LY75: variants seen among roughly 807,000 people sequenced by gnomAD.
The protein encoded by LY75 is C-type lectin domain family 13 member B.
A neutral mutation model predicts 231.7 loss-of-function variants in LY75; 185 were observed. The ratio of observed to expected loss-of-function variants is 0.80; its 90% CI spans 0.71 to 0.90. LY75 has a LOEUF of 0.90. Ranked by LOEUF, LY75 falls within the 40% of genes least tolerant of loss-of-function variation. The pLI, the probability that LY75 is intolerant of heterozygous loss-of-function variation, is 0.00. For synonymous variants in LY75, 668 were observed against 689.0 expected (o/e 0.97, Z 0.48); for missense variants, 1,947 against 2,050.2 (o/e 0.95, Z 0.97).
In LY75 at chr2:159,807,010, T is replaced by C; in HGVS notation, c.4953A>G (p.Glu1651=). ...SNETWKKVEC[E]HGFGRVVCKV... The stretch of plus-strand genomic sequence containing the variant: ...TGCAGACAACTCTTCCAAAACCATG[T>C]TCACATTCAACTTTTTTCCAAGTTT... Residue 1651 remains glutamate (E), a synonymous_variant, in exon 34 of 35, where the codon GAA becomes GAG. Transcript: ENST00000263636. 1 of 1,613,944 alleles carries C rather than the reference T, an allele frequency of 6.2e-7. No homozygotes were observed. Among genetic ancestry groups the C allele is most frequent in the Middle Eastern group, 1.7e-4 (1 of 6,060 alleles).
In LY75 at chr2:159,850,420, G is replaced by A. The variant is rs149297961; in HGVS notation, c.2931C>T (p.Ser977=). 5.1e-5 allele frequency: 82 copies of A among 1,613,550 alleles called. 1 individual carries two copies. In the Admixed American group the frequency reaches 9.3e-4, roughly 18 times the overall value. Residue 977 remains serine (S), a synonymous_variant, in exon 22 of 35, where the codon AGC becomes AGT. Transcript: ENST00000263636. ...TGCCACCATAGGAGTGACAGGTATC[G>A]CTTGCTTGAGAAAATGTGAGAGACA... ...KPVSLTFSQA[S]DTCHSYGGTL... is the part of the protein sequence containing the mutation.
intron 11 of LY75, among the ~76,000 whole-genome samples, chr2:159,876,276 G>A (rs2125872327): frequency 6.6e-6 from 1 of 152,306 alleles, no homozygotes; most frequent in South Asian, 2.1e-4. Context: ...TTAGTGAATG[G>A]TAGAGTTGGG....
At position 159,821,345 on chromosome 2, in the gene LY75, G is replaced by A. The variant is rs143240559; in HGVS notation, c.3959-1425C>T. Among the ~76,000 whole-genome samples the A allele has an allele frequency of 2.6e-3, 402 of 152,238 alleles. 1 individual carries two copies. The highest frequency in any genetic ancestry group is 9.1e-3 in the African/African-American group (378 of 41,550). On this transcript the variant is annotated intron_variant, in intron 28 of 34. Coordinates refer to ENST00000263636, the MANE Select transcript of LY75 (RefSeq NM_002349.4). The stretch of plus-strand genomic sequence containing the variant: ...AAGAAAACATGGAAGGCCAGGCATG[G>A]TGGCTCACCCCTGTAATCACAGCAC...
intron 17 of LY75, 138 bp downstream of exon 17, chr2:159,854,766 C>A (rs987515523): frequency 1.5e-6 from 2 of 1,308,980 alleles, no homozygotes; most frequent in East Asian, 2.5e-5. Flanking sequence ...CCATACCAGT[C>A]GCTCACCTTC....
At chr2:159,846,743 C>T (rs1029050737) in intron 23 of LY75, among the ~76,000 whole-genome samples, 1 of 151,982 alleles carries the variant, frequency 6.6e-6, no homozygotes, top group African/African-American at 2.4e-5. Context: ...AAAGTATTTG[C>T]AATAAACACA....
At chr2:159,842,966 A>T (rs528793801) in intron 23 of LY75, among the ~76,000 whole-genome samples, 95 of 152,106 alleles carry the variant, frequency 6.2e-4, no homozygotes, top group Non-Finnish European at 1.1e-3. Context: ...ACAAAAAAAA[A>T]TGCTACTCAA....
At chr2:159,851,356 T>A (rs951274500) in intron 21 of LY75, among the ~76,000 whole-genome samples, 10 of 151,852 alleles carry the variant, frequency 6.6e-5, no homozygotes, top group East Asian at 1.9e-4. Flanking sequence ...CAAAAAAAAT[T>A]TTTTTTTCAG....
intron 5 of LY75, among the ~76,000 whole-genome samples, chr2:159,885,960 T>G (rs564081576): frequency 3.2e-4 from 49 of 152,332 alleles, no homozygotes; most frequent in Admixed American, 1.4e-3. Context: ...AGACTTTCTT[T>G]GAGGTATTTA....
chr2:159,852,468 G>T, intron 20 of LY75, 128 bp from the exon 21 acceptor site: 1 of 1,319,556 alleles, frequency 7.6e-7, no homozygotes. Context: ...CCCGGGGCTG[G>T]AGTGCAGTGG....
intron 21 of LY75, 28 bp downstream of exon 21, chr2:159,852,173 T>C: frequency 6.2e-7 from 1 of 1,610,172 alleles, no homozygotes; most frequent in Non-Finnish European, 8.5e-7. Context: ...GCAATCATTG[T>C]TGCATAATGT....
intron 1 of LY75, among the ~76,000 whole-genome samples, chr2:159,900,552 G>A (rs1686043991): frequency 1.3e-5 from 2 of 152,188 alleles, no homozygotes; most frequent in Non-Finnish European, 2.9e-5. Context: ...AACACCAGAT[G>A]CTTTTCCTAG....
At chr2:159,890,490 G>C in intron 3 of LY75, 113 bp from the exon 4 acceptor site, 1 of 1,422,200 alleles carries the variant, frequency 7.0e-7, no homozygotes, top group Non-Finnish European at 9.5e-7. Context: ...TATGCCCAAA[G>C]GGAGACTGCC....
At chr2:159,811,508 C>G (rs553826649) in intron 31 of LY75, among the ~76,000 whole-genome samples, 26 of 152,338 alleles carry the variant, frequency 1.7e-4, no homozygotes, top group Non-Finnish European at 1.5e-5. Context: ...TACAGCTTAT[C>G]TGAATCAAAT....
At chr2:159,879,217 T>G (rs369054959) in intron 9 of LY75, 42 bp downstream of exon 9, 289 of 1,596,526 alleles carry the variant, frequency 1.8e-4, no homozygotes, top group Non-Finnish European at 2.3e-4. Flanking sequence ...ACCAAGAAGT[T>G]GTAATACTGC....
chr2:159,835,013 T>C (rs193023346), intron 26 of LY75, among the ~76,000 whole-genome samples: 2 of 152,324 alleles, frequency 1.3e-5, no homozygotes, highest in African/African-American at 4.8e-5. Context: ...AATTTAGAAA[T>C]TGTCAACTCA....
chr2:159,839,011 G>A (rs1318125553), intron 25 of LY75, among the ~76,000 whole-genome samples: 1 of 152,020 alleles, frequency 6.6e-6, no homozygotes, highest in Non-Finnish European at 1.5e-5. Flanking sequence ...GGCCAGGCTG[G>A]TCCCAAACTC....
chr2:159,840,548 G>T (rs1683991609), intron 25 of LY75, among the ~76,000 whole-genome samples, 181 bp downstream of exon 25: 2 of 152,118 alleles, frequency 1.3e-5, no homozygotes, highest in Admixed American at 1.3e-4. Context: ...CTCCAGCCTG[G>T]GTGACAGTGT....
chr2:159,878,643 T>C lies in LY75; in HGVS notation c.1594A>G (p.Ile532Val). 1.9e-6 allele frequency: 3 copies of C among 1,614,054 alleles called. No homozygotes were observed. Among genetic ancestry groups the C allele is most frequent in the Non-Finnish European group, 2.5e-6 (3 of 1,179,954 alleles). ...VPFGTNCNLTITSRFEQEYLN... is the reference protein window; with the variant it reads ...VPFGTNCNLTVTSRFEQEYLN... ...TACTGATGGTCACACCTGCTAGTGA[T>C]AGTCAGATTGCAGTTTGTTCCAAAA... Residue 532 changes from isoleucine (I) to valine (V), a missense_variant, in exon 10 of 35, where the codon ATC becomes GTC. Transcript: ENST00000263636.
intron 26 of LY75, among the ~76,000 whole-genome samples, chr2:159,834,571 G>T (rs1006248572): frequency 6.6e-6 from 1 of 152,112 alleles, no homozygotes; most frequent in Non-Finnish European, 1.5e-5. Flanking sequence ...CTATAACTCT[G>T]AGAATTTATT....
Sources: allele counts gnomAD v4.1 joint callset (sites outside exome capture counted in the v4.1 genomes callset), GRCh38; gene constraint gnomAD v4.1.1; transcripts MANE v1.5; gene names NCBI Gene and HGNC (gene_info 2026-07-23, HGNC 2026-07-21).